Variants in ZNF486 observed in about 807,000 individuals in gnomAD.
ZNF486 encodes zinc finger protein 486.
In ZNF486, 12 loss-of-function variants were observed where a neutral mutation model predicts 12.8. The ratio of observed to expected loss-of-function variants is 0.94; its 90% CI spans 0.60 to 1.52. The LOEUF (loss-of-function observed/expected upper bound fraction) is 1.52. ZNF486 is among the 40% of genes most tolerant of loss of function. ZNF486 has a pLI of 0.00. For synonymous variants in ZNF486, 231 were observed against 184.9 expected (o/e 1.25, Z -2.02); for missense variants, 738 against 545.0 (o/e 1.35, Z -3.53).
At chr19:20,171,941 G>A (rs1310484177) in intron 1 of ZNF486, among the ~76,000 whole-genome samples, 3 of 150,412 alleles carry the variant, frequency 2.0e-5, no homozygotes, top group African/African-American at 7.3e-5. Context: ...TTATTATTTA[G>A]CTCTTAATAA....
intron 2 of ZNF486, among the ~76,000 whole-genome samples, chr19:20,185,566 G>A (rs117998786): frequency 0.015 from 2,299 of 151,194 alleles, 23 homozygotes; most frequent in Middle Eastern, 0.062. Context: ...GGCACGTGCC[G>A]CTGCACCCAG....
At chr19:20,182,177 C>T (rs1395235443) in intron 1 of ZNF486, among the ~76,000 whole-genome samples, 2 of 152,148 alleles carry the variant, frequency 1.3e-5, no homozygotes, top group Admixed American at 1.3e-4. Context: ...TTCCTGCTTT[C>T]TCTAACTAAT....
intron 3 of ZNF486, among the ~76,000 whole-genome samples, chr19:20,194,596 C>T (rs183032083): frequency 5.9e-5 from 9 of 152,014 alleles, no homozygotes; most frequent in Non-Finnish European, 1.0e-4. Context: ...GGCATGGTGG[C>T]GCACGCCTGT....
chr19:20,200,123 G>A lies in ZNF486; in HGVS notation c.*2021G>A, dbSNP rs1334626492. On this transcript the variant is annotated 3_prime_UTR_variant, in exon 4 of 4. Transcript: ENST00000335117. ...CCTTAAAAAAATTTTTCTGAAAAGT[G>A]GGTAATGACATAATACAGCTTTCAA... 6.6e-6 allele frequency: 1 copy of A among 151,494 alleles called. No homozygotes were observed. Among genetic ancestry groups the A allele is most frequent in the Non-Finnish European group, 1.5e-5 (1 of 68,022 alleles). The allele number at this position is 151,494 out of a possible 1,614,324, so 9.4% of individuals were successfully genotyped here.
rs1311755824 is a variant in ZNF486 at position 20,186,036 on chromosome 19, A to G, written c.207A>G (p.Ile69Met). Residue 69 changes from isoleucine to methionine, a missense_variant, in exon 3 of 4, where the codon ATA becomes ATG. By Grantham distance (10) the Ile-to-Met change is conservative. Transcript: ENST00000335117. The part of the protein sequence containing the change: ...PDLITCLEQG[I>M]KPLTMKRHEM... ...TGATCACCTGTCTGGAGCAAGGAATAAAACCTCTGACTATGAAGAGACATG... is the reference window on the plus strand; with the variant it reads ...TGATCACCTGTCTGGAGCAAGGAATGAAACCTCTGACTATGAAGAGACATG... The G allele has an allele frequency of 3.1e-6, 5 of 1,593,454 alleles. No individual in the cohort carries two copies. The highest frequency in any genetic ancestry group is 4.3e-6 in the Non-Finnish European group (5 of 1,172,030).
intron 3 of ZNF486, among the ~76,000 whole-genome samples, chr19:20,186,783 G>T: frequency 9.0e-6 from 1 of 110,992 alleles, no homozygotes; most frequent in African/African-American, 4.2e-5. Flanking sequence ...TATTTTCATA[G>T]GTTTTTTTTT....
At chr19:20,191,789 AAAAG>A (rs1212757892) in intron 3 of ZNF486, among the ~76,000 whole-genome samples, 3 of 152,120 alleles carry the variant, frequency 2.0e-5, no homozygotes, top group African/African-American at 4.8e-5. Context: ...GAAAAAAAGA[AAAAG>A]AAATTATGCA....
intron 2 of ZNF486, among the ~76,000 whole-genome samples, 193 bp from the exon 3 acceptor site, chr19:20,185,794 T>G (rs1473879798): frequency 6.9e-6 from 1 of 144,104 alleles, no homozygotes. Flanking sequence ...CTTATTTTAC[T>G]CCATCTCCAA....
rs782333819 is a variant in ZNF486, at chr19:20,197,465, G to T, written c.755G>T (p.Ser252Ile). The change falls in exon 4 of 4, where the codon AGC becomes ATC. Residue 252 changes from serine to isoleucine, a missense_variant. Ser to Ile is a moderately radical substitution (Grantham distance 142). Coordinates refer to ENST00000335117, the MANE Select transcript of ZNF486 (RefSeq NM_052852.4). ...GGCAAAGTCTTTAAGTACTTCTCTA[G>T]CTTTACTACACATAAGAAAATTCAT... ...ECGKVFKYFSSFTTHKKIHSG... is the reference protein window; with the variant it reads ...ECGKVFKYFSIFTTHKKIHSG... 2 of 1,607,952 alleles carry T rather than the reference G, an allele frequency of 1.2e-6. No homozygotes were observed. The highest frequency in any genetic ancestry group is 3.4e-5 in the Admixed American group (2 of 59,462).
intron 3 of ZNF486, among the ~76,000 whole-genome samples, chr19:20,196,522 G>T (rs1159477074): frequency 1.3e-5 from 2 of 152,070 alleles, no homozygotes; most frequent in Admixed American, 1.3e-4. Context: ...TAGAGATGGG[G>T]TTTCACCATC....
At chr19:20,186,472 G>A (rs1238624032) in intron 3 of ZNF486, among the ~76,000 whole-genome samples, 5 of 152,072 alleles carry the variant, frequency 3.3e-5, no homozygotes, top group African/African-American at 9.7e-5. Context: ...TCTGAAATGT[G>A]TGACAGTATT....
At position 20,197,308 on chromosome 19, in the gene ZNF486, CAT is replaced by C. The variant is rs1568328253; in HGVS notation, c.600_601del (p.His200GlnfsTer4). ...AFNQSSTHTT[H>X]KKIDTGEKPY... The stretch of plus-strand genomic sequence containing the variant: ...TAACCAGTCCTCAACCCATACTACA[CAT>C]AAAAAAATTGATACTGGAGAGAAAC... On this transcript the variant is annotated frameshift_variant, in exon 4 of 4. Transcript: ENST00000335117. LOFTEE classifies it low-confidence loss of function (END_TRUNC). The C allele has an allele frequency of 6.2e-7, 1 of 1,612,172 alleles. No homozygotes were observed.
rs1555716378 is a variant in ZNF486 at position 20,186,051 on chromosome 19, G to A, written c.222G>A (p.Met74Ile). The part of the protein sequence containing the change: ...CLEQGIKPLT[M>I]KRHEMIAKPP... ...AGCAAGGAATAAAACCTCTGACTAT[G>A]AAGAGACATGAGATGATTGCCAAAC... is the stretch of plus-strand genomic sequence containing the variant. Residue 74 changes from methionine to isoleucine, a missense_variant, in exon 3 of 4, where the codon ATG becomes ATA. Coordinates refer to ENST00000335117, the MANE Select transcript of ZNF486 (RefSeq NM_052852.4). The A allele has an allele frequency of 6.3e-7, 1 of 1,594,594 alleles. No homozygotes were observed. Among genetic ancestry groups the A allele is most frequent in the Non-Finnish European group, 8.5e-7 (1 of 1,172,268 alleles).
intron 3 of ZNF486, among the ~76,000 whole-genome samples, chr19:20,192,627 G>A (rs570658467): frequency 1.4e-4 from 22 of 152,178 alleles, no homozygotes; most frequent in African/African-American, 5.3e-4. Context: ...TTTGAGATAG[G>A]GTCTCACTCT....
intron 3 of ZNF486, among the ~76,000 whole-genome samples, chr19:20,189,645 A>G (rs1194543209): frequency 6.6e-6 from 1 of 152,124 alleles, no homozygotes; most frequent in Admixed American, 6.6e-5. Context: ...TTTTTGATGA[A>G]AAATCTTTTT....
intron 1 of ZNF486, chr19:20,175,196 T>C (rs1355797224): frequency 1.3e-5 from 2 of 152,220 alleles, no homozygotes; most frequent in Admixed American, 6.5e-5. Flanking sequence ...TTTGGGTGTT[T>C]AGAGAGAAAT....
intron 3 of ZNF486, among the ~76,000 whole-genome samples, chr19:20,186,804 G>A (rs2089852671): frequency 2.7e-5 from 2 of 74,648 alleles, no homozygotes; most frequent in Admixed American, 2.9e-4. Context: ...TTTTTTTTGA[G>A]AAGGAGTCTT....
In ZNF486 at chr19:20,167,268, G is replaced by C. The variant is rs1568313535; in HGVS notation, c.-63G>C. The C allele has an allele frequency of 1.2e-6, 2 of 1,605,486 alleles. No homozygotes were observed. The highest frequency in any genetic ancestry group is 2.2e-5 in the South Asian group (2 of 90,894). On this transcript the variant is annotated 5_prime_UTR_variant, in exon 1 of 4. Coordinates refer to ENST00000335117, the MANE Select transcript of ZNF486 (RefSeq NM_052852.4). The stretch of plus-strand genomic sequence containing the variant: ...GCCTCTTCGCTACTCTGTGTCCTCT[G>C]CTCCTAGAGGCCCACCCTCTGTGGC...
chr19:20,180,852 A>G (rs2089777073), intron 1 of ZNF486, among the ~76,000 whole-genome samples: 2 of 152,120 alleles, frequency 1.3e-5, no homozygotes, highest in Admixed American at 1.3e-4. Flanking sequence ...TTTACCTTCT[A>G]AAGTGTACAT....
Sources: allele counts gnomAD v4.1 joint callset (sites outside exome capture counted in the v4.1 genomes callset), GRCh38; gene constraint gnomAD v4.1.1; transcripts MANE v1.5; gene names NCBI Gene and HGNC (gene_info 2026-07-23, HGNC 2026-07-21).